The following POU6F2 variants were observed in gnomAD, a reference collection of about 807,000 sequenced individuals.
The protein encoded by POU6F2 is POU domain, class 6, transcription factor 2.
In POU6F2, 31 loss-of-function variants were observed where a neutral mutation model predicts 71.3. The observed-to-expected ratio is 0.43, with a 90% confidence interval of 0.33 to 0.59. The LOEUF (loss-of-function observed/expected upper bound fraction) is 0.59. POU6F2 is among the 20% of genes least tolerant of loss of function. The pLI, the probability that POU6F2 is intolerant of heterozygous loss-of-function variation, is 0.04. For synonymous variants in POU6F2, 347 were observed against 355.7 expected, an observed-to-expected ratio of 0.98 and a Z score of 0.27; for missense variants, 783 against 856.8, an observed-to-expected ratio of 0.91 and a Z score of 1.07.
intron 2 of POU6F2, among the ~76,000 whole-genome samples, chr7:39,107,487 G>C (rs1434693929): frequency 6.6e-6 from 1 of 152,026 alleles, no homozygotes; most frequent in Non-Finnish European, 1.5e-5. Context: ...ATTTTCTTTT[G>C]AATTGGCTAG....
intron 1 of POU6F2, among the ~76,000 whole-genome samples, chr7:39,043,468 C>G (rs187176370): frequency 1.3e-5 from 2 of 152,060 alleles, no homozygotes; most frequent in Non-Finnish European, 1.5e-5. Flanking sequence ...CTTTCCAAAC[C>G]AAGGCAAGTG....
intron 1 of POU6F2, among the ~76,000 whole-genome samples, chr7:39,072,011 T>C (rs915068200): frequency 3.3e-5 from 5 of 152,162 alleles, no homozygotes; most frequent in African/African-American, 1.2e-4. Context: ...GGGCAAGACT[T>C]GCAGACAGAG....
At chr7:39,036,486 C>T (rs965917025) in intron 1 of POU6F2, among the ~76,000 whole-genome samples, 18 of 151,894 alleles carry the variant, frequency 1.2e-4, no homozygotes, top group African/African-American at 3.4e-4. Context: ...ATACTAAATA[C>T]AAAATTTAAC....
intron 1 of POU6F2, among the ~76,000 whole-genome samples, chr7:39,056,202 G>A (rs918052307): frequency 3.9e-5 from 6 of 151,906 alleles, no homozygotes; most frequent in African/African-American, 1.4e-4. Context: ...GATAAAACAT[G>A]GTTATTGTGA....
intron 5 of POU6F2, among the ~76,000 whole-genome samples, chr7:39,347,967 A>G (rs1786062773): frequency 7.0e-6 from 1 of 143,852 alleles, no homozygotes; most frequent in Non-Finnish European, 1.6e-5. Flanking sequence ...GAATTTTTTT[A>G]TTATACTTGA....
chr7:39,344,913 T>C (rs1785998558), intron 5 of POU6F2, among the ~76,000 whole-genome samples: 1 of 152,162 alleles, frequency 6.6e-6, no homozygotes, highest in Admixed American at 6.5e-5. Context: ...CAGGGCTAAA[T>C]CACTACGCAG....
intron 4 of POU6F2, among the ~76,000 whole-genome samples, chr7:39,267,705 A>G (rs1382567568): frequency 6.6e-6 from 1 of 152,050 alleles, no homozygotes; most frequent in East Asian, 1.9e-4. Flanking sequence ...CCTACGCTCA[A>G]GGGATCCTCC....
Position 39,433,146 on chromosome 7 carries a change from T to G in POU6F2, c.1183T>G (p.Leu395Val), listed in dbSNP as rs781653785. 11 of 1,613,580 alleles carry G rather than the reference T, an allele frequency of 6.8e-6. No individual in the cohort carries two copies. The highest frequency in any genetic ancestry group is 7.6e-6 in the Non-Finnish European group (9 of 1,179,704). The change falls in exon 7 of 10, where the codon TTG (leucine) becomes GTG (valine). Residue 395 changes from leucine to valine, a missense_variant. Leu to Val is a conservative substitution (Grantham distance 32, BLOSUM62 1). Coordinates refer to ENST00000518318, the MANE Select transcript of POU6F2 (RefSeq NM_001370959.1). ...CCAAGCAGCAAGCGGCACTCAGGGC[T>G]TGCAAGTGCAGCCAATCACCCCCCA... ...SSQAASGTQG[L>V]QVQPITPQLL...
At chr7:39,184,406 C>T (rs1793491766) in intron 2 of POU6F2, among the ~76,000 whole-genome samples, 1 of 152,190 alleles carries the variant, frequency 6.6e-6, no homozygotes, top group Admixed American at 6.5e-5. Flanking sequence ...AAATAATCTA[C>T]TAACTCCAAA....
intron 4 of POU6F2, among the ~76,000 whole-genome samples, chr7:39,276,169 A>G (rs2128758172): frequency 1.3e-5 from 2 of 151,868 alleles, no homozygotes; most frequent in East Asian, 3.9e-4. Context: ...AAGGGCTAAT[A>G]TCCAGAATCT....
At chr7:39,383,930 C>T (rs185586821) in intron 5 of POU6F2, among the ~76,000 whole-genome samples, 19 of 152,312 alleles carry the variant, frequency 1.2e-4, no homozygotes, top group Admixed American at 7.8e-4. Flanking sequence ...GGAAATGCTT[C>T]TTTAATTCTG....
intron 5 of POU6F2, among the ~76,000 whole-genome samples, chr7:39,386,303 C>CT (rs78667160): frequency 0.019 from 2,909 of 152,212 alleles, 81 homozygotes; most frequent in East Asian, 0.11. Context: ...CATTAACATC[C>CT]TACACACTAA....
Position 39,203,258 on chromosome 7 carries a change from G to A in POU6F2, c.278-977G>A, listed in dbSNP as rs116840288. ...TTTTCTGGGTTGTCCATGGCATGCC[G>A]GTAAACAGGGTTTGAATTGTCTTCC... On this transcript the variant is annotated intron_variant, in intron 2 of 9. Transcript: ENST00000518318. 3.6e-3 allele frequency among the ~76,000 whole-genome samples: 549 copies of A among 152,218 alleles called. 4 individuals are homozygous for A. Among genetic ancestry groups the A allele is most frequent in the African/African-American group, 0.013 (525 of 41,514 alleles).
Position 39,285,377 on chromosome 7 carries a change from G to A in POU6F2, c.599-54265G>A, listed in dbSNP as rs527381606. Among the ~76,000 whole-genome samples the A allele has an allele frequency of 6.6e-5, 10 of 152,272 alleles. No homozygotes were observed. In the South Asian group the frequency reaches 1.2e-3, roughly 19 times the overall value. ...AGGATGTATGGCCACCATGCTCATC[G>A]TATGTCGTGTATTAGTCACTCACAG... On this transcript the variant is annotated intron_variant, in intron 4 of 9. Coordinates refer to ENST00000518318, the MANE Select transcript of POU6F2 (RefSeq NM_001370959.1).
At chr7:39,029,627 A>G (rs114720163) in intron 1 of POU6F2, among the ~76,000 whole-genome samples, 1,617 of 140,678 alleles carry the variant, frequency 0.011, 31 homozygotes, top group African/African-American at 0.038. Flanking sequence ...TATCCTATAA[A>G]ATGTATACAA....
chr7:39,246,905 CTTTTTTTTTT>C (rs398004470), intron 4 of POU6F2, among the ~76,000 whole-genome samples: 1 of 78,148 alleles, frequency 1.3e-5, no homozygotes. Context: ...TCCAGGGTGG[CTTTTTTTTTT>C]TTTTTTTTTT....
chr7:39,064,217 A>G (rs1002212848), intron 1 of POU6F2, among the ~76,000 whole-genome samples: 2 of 152,068 alleles, frequency 1.3e-5, no homozygotes, highest in Non-Finnish European at 2.9e-5. Context: ...AGTAAATTTG[A>G]TATAAAATTC....
At chr7:39,336,692 G>A (rs940133016) in intron 4 of POU6F2, among the ~76,000 whole-genome samples, 6 of 152,176 alleles carry the variant, frequency 3.9e-5, no homozygotes, top group African/African-American at 1.4e-4. Flanking sequence ...ACAGCAGTGA[G>A]TAATGGCTGT....
intron 4 of POU6F2, among the ~76,000 whole-genome samples, chr7:39,335,518 A>G (rs1246187239): frequency 6.6e-6 from 1 of 152,088 alleles, no homozygotes; most frequent in East Asian, 1.9e-4. Flanking sequence ...TTAGGAGAAA[A>G]TTGGTTGCCT....
Sources: gnomAD v4.1 joint callset for allele counts (sites outside exome capture counted in the v4.1 genomes callset) on GRCh38, gnomAD v4.1.1 for gene constraint, MANE v1.5 for transcripts, NCBI Gene and HGNC (gene_info 2026-07-23, HGNC 2026-07-21) for gene names.